Variants in CACNA2D3 observed in about 807,000 individuals in gnomAD.
CACNA2D3 encodes calcium voltage-gated channel auxiliary subunit alpha2delta 3.
In CACNA2D3, 60 loss-of-function variants were observed where a neutral mutation model predicts 160.6. The ratio of observed to expected loss-of-function variants is 0.37; its 90% CI spans 0.30 to 0.46. The LOEUF is 0.46. CACNA2D3 is among the 20% of genes least tolerant of loss of function. CACNA2D3 has a pLI of 1.00. For missense variants in CACNA2D3, 1,205 were observed against 1,365.0 expected (o/e 0.88, Z 1.85); for synonymous variants, 558 against 492.9 (o/e 1.13, Z -1.75).
At chr3:55,052,292 G>A (rs923239902) in intron 35 of CACNA2D3, among the ~76,000 whole-genome samples, 2 of 152,024 alleles carry the variant, frequency 1.3e-5, no homozygotes, top group Non-Finnish European at 2.9e-5. Context: ...TGGTTTGGGA[G>A]CATTCTTTGT....
At chr3:54,377,487 A>T (rs879740399) in intron 3 of CACNA2D3, among the ~76,000 whole-genome samples, 1 of 152,180 alleles carries the variant, frequency 6.6e-6, no homozygotes, top group Non-Finnish European at 1.5e-5. Context: ...TATGCTGGAA[A>T]ATCTTGTCTC....
chr3:54,618,412 C>CACACAG lies in CACNA2D3; in HGVS notation c.964-9374_964-9373insCACAGA, dbSNP rs1242088540. On this transcript the variant is annotated intron_variant, in intron 9 of 37. Transcript: ENST00000474759. ...ACACACACACACACACACACACACA[C>CACACAG]AGTGCCTTACAGGGTATTTGTTTAT... 2.1e-5 allele frequency among the ~76,000 whole-genome samples: 3 copies of CACACAG among 146,038 alleles called. No individual in the cohort carries two copies. The South Asian group carries it at 6.6e-4, about 32-fold the overall frequency.
chr3:54,320,991 A>G (rs895376301), intron 3 of CACNA2D3, among the ~76,000 whole-genome samples: 2 of 152,166 alleles, frequency 1.3e-5, no homozygotes, highest in Admixed American at 6.5e-5. Flanking sequence ...AATTGATATA[A>G]CTGTTCCTAT....
intron 14 of CACNA2D3, among the ~76,000 whole-genome samples, chr3:54,817,937 A>G (rs1703493967): frequency 6.6e-6 from 1 of 152,220 alleles, no homozygotes; most frequent in Non-Finnish European, 1.5e-5. Context: ...AAGGCTCACA[A>G]CAGCTTCCAG....
chr3:54,475,007 G>A (rs1297311756), intron 4 of CACNA2D3, among the ~76,000 whole-genome samples: 2 of 152,166 alleles, frequency 1.3e-5, no homozygotes, highest in East Asian at 3.9e-4. Context: ...CACTGAAGGT[G>A]TTAGCATCAA....
intron 13 of CACNA2D3, among the ~76,000 whole-genome samples, chr3:54,806,907 A>G (rs1703144023): frequency 6.6e-6 from 1 of 152,238 alleles, no homozygotes; most frequent in Non-Finnish European, 1.5e-5. Context: ...CTGCATATCT[A>G]CAACTGTCTG....
rs1921539 is a variant in CACNA2D3 at position 54,819,295 on chromosome 3, T to G, written c.1398+2425T>G. Reference sequence around the variant, plus strand: ...GAATGATAAACTAACTTTCCACTTTTGTTTTGAAAGTTACTTCTCTTACCT... The same window carrying G: ...GAATGATAAACTAACTTTCCACTTTGGTTTTGAAAGTTACTTCTCTTACCT... On this transcript the variant is annotated intron_variant, in intron 14 of 37. Coordinates refer to ENST00000474759, the MANE Select transcript of CACNA2D3 (RefSeq NM_018398.3). Among the ~76,000 whole-genome samples, 812 of 152,358 alleles carry G rather than the reference T, an allele frequency of 5.3e-3. 8 individuals are homozygous for G. Among genetic ancestry groups the G allele is most frequent in the African/African-American group, 0.017 (721 of 41,582 alleles).
At chr3:54,772,233 A>G (rs73061734) in intron 13 of CACNA2D3, among the ~76,000 whole-genome samples, 1 of 151,108 alleles carries the variant, frequency 6.6e-6, no homozygotes, top group Non-Finnish European at 1.5e-5. Context: ...CTGGGTAGTT[A>G]AGGAAAAGGA....
At chr3:54,989,084 C>T (rs1702681538) in intron 31 of CACNA2D3, among the ~76,000 whole-genome samples, 1 of 152,222 alleles carries the variant, frequency 6.6e-6, no homozygotes, top group Non-Finnish European at 1.5e-5. Flanking sequence ...ATCCACGGCA[C>T]CACTGACTTT....
intron 2 of CACNA2D3, among the ~76,000 whole-genome samples, chr3:54,263,333 A>C (rs954929022): frequency 2.0e-5 from 3 of 152,328 alleles, no homozygotes; most frequent in Non-Finnish European, 4.4e-5. Flanking sequence ...ACATGTATTA[A>C]GTGCTTAATG....
At chr3:54,167,249 T>C (rs2107305619) in intron 2 of CACNA2D3, among the ~76,000 whole-genome samples, 1 of 152,300 alleles carries the variant, frequency 6.6e-6, no homozygotes, top group East Asian at 1.9e-4. Flanking sequence ...ACCAGGTATA[T>C]AGTTGATCCA....
At chr3:54,184,716 T>C (rs1700849484) in intron 2 of CACNA2D3, among the ~76,000 whole-genome samples, 1 of 152,224 alleles carries the variant, frequency 6.6e-6, no homozygotes, top group African/African-American at 2.4e-5. Context: ...TCAGTTCTTA[T>C]CTCTTCTTGG....
intron 14 of CACNA2D3, among the ~76,000 whole-genome samples, chr3:54,819,018 C>T (rs1703525222): frequency 6.6e-6 from 1 of 152,116 alleles, no homozygotes; most frequent in Non-Finnish European, 1.5e-5. Context: ...CAAGTCTCCA[C>T]CTGGTAATGT....
intron 17 of CACNA2D3, 76 bp from the exon 18 acceptor site, chr3:54,871,463 G>A (rs1699533112): frequency 2.8e-6 from 3 of 1,087,112 alleles, no homozygotes; most frequent in African/African-American, 3.1e-5. Flanking sequence ...ACAGGACTTG[G>A]GAAGGTAAAG....
intron 5 of CACNA2D3, among the ~76,000 whole-genome samples, chr3:54,515,957 G>A (rs1701543998): frequency 6.6e-6 from 1 of 152,160 alleles, no homozygotes; most frequent in Non-Finnish European, 1.5e-5. Context: ...GTGGACCCTC[G>A]AGATGGGAGG....
intron 2 of CACNA2D3, among the ~76,000 whole-genome samples, chr3:54,288,120 T>C (rs56040227): frequency 0.2 from 30,880 of 151,462 alleles, 3,294 homozygotes; most frequent in East Asian, 0.25. Flanking sequence ...TTCAAAAAAT[T>C]AATGAATCCA....
At chr3:54,455,243 T>C (rs1292831805) in intron 4 of CACNA2D3, among the ~76,000 whole-genome samples, 1 of 152,252 alleles carries the variant, frequency 6.6e-6, no homozygotes, top group African/African-American at 2.4e-5. Flanking sequence ...TTTCTCTGCC[T>C]CCTCACCAAC....
intron 9 of CACNA2D3, among the ~76,000 whole-genome samples, chr3:54,583,177 A>T (rs755827866): frequency 6.6e-6 from 1 of 152,218 alleles, no homozygotes; most frequent in South Asian, 2.1e-4. Flanking sequence ...CAGAGCCTCA[A>T]ATAGGTGTTC....
chr3:54,924,569 T>C (rs1167844739), intron 27 of CACNA2D3: 1 of 1,431,808 alleles, frequency 7.0e-7, no homozygotes, highest in Non-Finnish European at 9.7e-7. Context: ...ATGAGATTCA[T>C]CCTAGGCTGG....
Sources: gnomAD v4.1 joint callset for allele counts (sites outside exome capture counted in the v4.1 genomes callset) on GRCh38, gnomAD v4.1.1 for gene constraint, MANE v1.5 for transcripts, NCBI Gene and HGNC (gene_info 2026-07-23, HGNC 2026-07-21) for gene names.